NRP1: variants seen among roughly 807,000 people sequenced by gnomAD.
NRP1 encodes the protein neuropilin-1.
A neutral mutation model predicts 106.7 loss-of-function variants in NRP1; 35 were observed. That is an observed-to-expected ratio of 0.33 (90% confidence interval 0.25 to 0.43). The LOEUF (loss-of-function observed/expected upper bound fraction) is 0.43. Ranked by LOEUF, NRP1 falls within the 20% of genes least tolerant of loss-of-function variation. The pLI, the probability that NRP1 is intolerant of heterozygous loss-of-function variation, is 1.00. For missense variants in NRP1, 1,024 were observed against 1,170.4 expected (o/e 0.87, Z 1.83); for synonymous variants, 437 against 417.9 (o/e 1.05, Z -0.56).
At chr10:33,303,909 A>C in intron 2 of NRP1, among the ~76,000 whole-genome samples, 1 of 152,234 alleles carries the variant, frequency 6.6e-6, no homozygotes, top group East Asian at 1.9e-4. Context: ...ATATACACTG[A>C]TATAAGCTCC....
rs1490069207 is a variant in NRP1 at position 33,231,020 on chromosome 10, T to C, written c.982-4731A>G. 8.5e-5 allele frequency among the ~76,000 whole-genome samples: 13 copies of C among 152,206 alleles called. No individual in the cohort carries two copies. The South Asian group carries it at 2.7e-3, about 31-fold the overall frequency. Reference sequence around the variant, plus strand: ...TGCTACACCTCTCTCTTTCCAACTGTATCACCCAGCCATATTATAATATTC... The same window carrying C: ...TGCTACACCTCTCTCTTTCCAACTGCATCACCCAGCCATATTATAATATTC... On this transcript the variant is annotated intron_variant, in intron 6 of 16. Transcript: ENST00000374867.
rs34194923 is a variant in NRP1 at position 33,238,905 on chromosome 10, CTG to C, written c.982-12618_982-12617del. On this transcript the variant is annotated intron_variant, in intron 6 of 16. Transcript: ENST00000374867. ...TTTTGGGTAATTGGAGTGGGTGCCT[CTG>C]TGTGTGTGTGTGTGTGTGTGTGTGT... 4.2e-3 allele frequency among the ~76,000 whole-genome samples: 620 copies of C among 148,368 alleles called. 5 individuals are homozygous for C. Among genetic ancestry groups the C allele is most frequent in the South Asian group, 0.017 (80 of 4,636 alleles).
At position 33,243,957 on chromosome 10, in the gene NRP1, G is replaced by A. The variant is rs1029488503; in HGVS notation, c.981+10071C>T. On this transcript the variant is annotated intron_variant, in intron 6 of 16. Coordinates refer to ENST00000374867, the MANE Select transcript of NRP1 (RefSeq NM_003873.7). ...TTTGTGTGTGTGTGTGTGTGTGTGT[G>A]TGTGTGTGCATGCATGCTTGCGTCT... Among the ~76,000 whole-genome samples, 175 of 151,928 alleles carry A rather than the reference G, an allele frequency of 1.2e-3. 1 individual carries two copies. Among genetic ancestry groups the A allele is most frequent in the African/African-American group, 4.1e-3 (170 of 41,356 alleles).
chr10:33,330,796 A>G lies in NRP1; in HGVS notation c.160T>C (p.Cys54Arg), dbSNP rs768142109. ...YPHSYHPSEK[C>R]EWLIQAPDPY... ...TCCGGAGCCTGAATCAGCCATTCGC[A>G]TTTTTCACTTGGGTGATAAGAATGA... The change falls in exon 2 of 17, where the codon TGC (cysteine) becomes CGC (arginine). Residue 54 changes from cysteine to arginine, a missense_variant. This residue lies in a region of NRP1 where 279 missense variants were observed against 327.4 expected (regional missense o/e 0.85). Coordinates refer to ENST00000374867, the MANE Select transcript of NRP1 (RefSeq NM_003873.7). 1.9e-6 allele frequency: 3 copies of G among 1,613,728 alleles called. No individual in the cohort carries two copies. The highest frequency in any genetic ancestry group is 3.3e-5 in the Admixed American group (2 of 59,992).
intron 3 of NRP1, among the ~76,000 whole-genome samples, chr10:33,270,158 T>A (rs10827225): frequency 0.15 from 22,273 of 151,946 alleles, 1,949 homozygotes; most frequent in East Asian, 0.47. Context: ...GAAATACATT[T>A]TTTTTTTCAA....
chr10:33,224,562 T>C (rs77930652), intron 7 of NRP1, among the ~76,000 whole-genome samples: 10 of 151,720 alleles, frequency 6.6e-5, no homozygotes, highest in African/African-American at 2.4e-4. Context: ...TTTTTTTTTT[T>C]CTTCAACCTT....
intron 11 of NRP1, 98 bp downstream of exon 11, chr10:33,202,793 G>T (rs983509946): frequency 9.3e-6 from 15 of 1,607,506 alleles, no homozygotes; most frequent in Non-Finnish European, 2.5e-6. Context: ...GCAGCTCTCT[G>T]CCATGCGGAG....
At chr10:33,285,579 C>T (rs946639647) in intron 2 of NRP1, among the ~76,000 whole-genome samples, 2 of 152,040 alleles carry the variant, frequency 1.3e-5, no homozygotes, top group African/African-American at 4.8e-5. Context: ...TGTTGTAATC[C>T]CAGCACTTTG....
chr10:33,313,942 T>C (rs117912694), intron 2 of NRP1, among the ~76,000 whole-genome samples: 1,631 of 152,060 alleles, frequency 0.011, 10 homozygotes, highest in Middle Eastern at 0.027. Context: ...AGTTCCTTCC[T>C]TCCTTCCTTC....
At chr10:33,334,279 G>T in intron 1 of NRP1, 31 bp downstream of exon 1, 4 of 1,532,940 alleles carry the variant, frequency 2.6e-6, no homozygotes, top group Non-Finnish European at 3.5e-6. Flanking sequence ...CCGGGGCGCC[G>T]CTGTCACCCG....
intron 2 of NRP1, among the ~76,000 whole-genome samples, chr10:33,319,561 C>CT (rs1231412598): frequency 1.8e-4 from 25 of 142,686 alleles, no homozygotes; most frequent in East Asian, 6.2e-4. Flanking sequence ...GTGGTGCCAT[C>CT]TTTTTTTTTT....
At chr10:33,187,164 C>T (rs577118917) in intron 13 of NRP1, among the ~76,000 whole-genome samples, 127 of 151,906 alleles carry the variant, frequency 8.4e-4, no homozygotes, top group Admixed American at 4.4e-3. Flanking sequence ...TGATCCACCA[C>T]GCTGGGCCCA....
intron 2 of NRP1, among the ~76,000 whole-genome samples, chr10:33,309,385 T>C (rs1453033942): frequency 1.3e-5 from 2 of 152,246 alleles, no homozygotes; most frequent in African/African-American, 2.4e-5. Flanking sequence ...ATCATCTTGC[T>C]TCGAATGTCT....
intron 6 of NRP1, among the ~76,000 whole-genome samples, chr10:33,231,472 A>T (rs1232989330): frequency 6.6e-6 from 1 of 152,138 alleles, no homozygotes; most frequent in East Asian, 1.9e-4. Context: ...ATAAGGTCAT[A>T]TTACCTCTAT....
intron 6 of NRP1, among the ~76,000 whole-genome samples, chr10:33,239,085 G>C (rs2133060685): frequency 6.6e-6 from 1 of 152,162 alleles, no homozygotes; most frequent in South Asian, 2.1e-4. Context: ...GAGCTCAGGA[G>C]TTCAAGATCA....
chr10:33,327,745 A>T lies in NRP1; in HGVS notation c.248+2963T>A, dbSNP rs1292974416. On this transcript the variant is annotated intron_variant, in intron 2 of 16. Coordinates refer to ENST00000374867, the MANE Select transcript of NRP1 (RefSeq NM_003873.7). ...CTCAAAGCCTTCACAAAAGGAGGTA[A>T]GTATTTTGCCACATTTGTAGAATCT... is the stretch of plus-strand genomic sequence containing the variant. Among the ~76,000 whole-genome samples, 4 of 152,250 alleles carry T rather than the reference A, an allele frequency of 2.6e-5. No homozygotes were observed. The East Asian group carries it at 7.7e-4, about 29-fold the overall frequency.
At chr10:33,270,985 C>A (rs1348963093) in intron 2 of NRP1, 129 bp from the exon 3 acceptor site, 2 of 680,814 alleles carry the variant, frequency 2.9e-6, no homozygotes, top group African/African-American at 1.8e-5. Flanking sequence ...GCATTCATCA[C>A]TGCATTAAAT....
intron 2 of NRP1, among the ~76,000 whole-genome samples, chr10:33,275,611 G>A (rs762056010): frequency 1.9e-4 from 29 of 151,724 alleles, no homozygotes; most frequent in Non-Finnish European, 4.4e-5. Flanking sequence ...AAAAAACCAT[G>A]TTCAGGCCAG....
At chr10:33,309,551 C>T (rs964216821) in intron 2 of NRP1, among the ~76,000 whole-genome samples, 6 of 152,144 alleles carry the variant, frequency 3.9e-5, no homozygotes, top group Non-Finnish European at 7.4e-5. Flanking sequence ...TACTGTATCG[C>T]CCATGTCCAC....
Sources: allele counts gnomAD v4.1 joint callset (sites outside exome capture counted in the v4.1 genomes callset), GRCh38; gene constraint gnomAD v4.1.1; regional missense constraint gnomAD v4.1.1; transcripts MANE v1.5; gene names NCBI Gene and HGNC (gene_info 2026-07-23, HGNC 2026-07-21).